Variants in NXPE3 observed in about 807,000 individuals in gnomAD.
NXPE3 encodes neurexophilin and PC-esterase domain family member 3.
A neutral mutation model predicts 46.1 loss-of-function variants in NXPE3; 26 were observed. The observed-to-expected ratio is 0.56, with a 90% confidence interval of 0.41 to 0.78. NXPE3 has a LOEUF of 0.78. NXPE3 is among the 30% of genes least tolerant of loss of function. The pLI is 0.00. For synonymous variants in NXPE3, 272 were observed against 257.9 expected (o/e 1.05, Z -0.52); for missense variants, 620 against 686.0 (o/e 0.90, Z 1.07).
intron 7 of NXPE3, among the ~76,000 whole-genome samples, chr3:101,820,011 C>G (rs1285424521): frequency 7.4e-6 from 1 of 135,838 alleles, no homozygotes; most frequent in South Asian, 2.3e-4. Context: ...TCAAAGACAT[C>G]TGTGTGTGGC....
rs561084459 is a variant in NXPE3 at position 101,785,605 on chromosome 3, C to A, written c.9C>A (p.Thr3=). The change falls in exon 4 of 8, where the codon ACC becomes ACA. Residue 3 remains threonine, a synonymous_variant. Transcript: ENST00000273347. ...CAAGACACAGCCAGACAATGTGGAC[C>A]AATTTCTTCAAACTACGGCTTTTCT... MW[T]NFFKLRLFCC... 6.2e-7 allele frequency: 1 copy of A among 1,613,910 alleles called. No individual in the cohort carries two copies. The highest frequency in any genetic ancestry group is 8.5e-7 in the Non-Finnish European group (1 of 1,179,884).
chr3:101,790,029 T>C (rs1042072859), intron 4 of NXPE3, among the ~76,000 whole-genome samples: 2 of 152,246 alleles, frequency 1.3e-5, no homozygotes, highest in African/African-American at 4.8e-5. Flanking sequence ...CTTTCAAATA[T>C]TTAGATATTT....
chr3:101,787,659 G>T (rs759186012), intron 4 of NXPE3, among the ~76,000 whole-genome samples: 1 of 152,122 alleles, frequency 6.6e-6, no homozygotes, highest in Non-Finnish European at 1.5e-5. Flanking sequence ...CGTCCCCAAG[G>T]TTCACTCATG....
intron 4 of NXPE3, 49 bp from the exon 5 acceptor site, chr3:101,801,186 A>C: frequency 6.5e-7 from 1 of 1,529,336 alleles, no homozygotes; most frequent in Non-Finnish European, 8.8e-7. Context: ...GCCAAAATAC[A>C]GAGACCTATT....
intron 5 of NXPE3, among the ~76,000 whole-genome samples, chr3:101,803,271 A>G (rs985295309): frequency 6.6e-6 from 1 of 152,186 alleles, no homozygotes. Context: ...CTCCTAAAAT[A>G]AAACTCTTCA....
At position 101,801,236 on chromosome 3, in the gene NXPE3, A is replaced by G. The variant is rs1941122180; in HGVS notation, c.95A>G (p.Tyr32Cys). 6.2e-7 allele frequency: 1 copy of G among 1,607,052 alleles called. No individual in the cohort carries two copies. The highest frequency in any genetic ancestry group is 8.5e-7 in the Non-Finnish European group (1 of 1,176,358). ...TGTTGTTTGTGTCTTCTTCTTCAGT[A>G]CTTGGACCATGAGACTGTTTCAGCC... ...VLVINVTQVEYLDHETVSATF... is the reference protein window; with the variant it reads ...VLVINVTQVECLDHETVSATF... The change falls in exon 5 of 8, where the codon TAC (tyrosine) becomes TGC (cysteine). Residue 32 changes from tyrosine (Y) to cysteine (C), a missense_variant and splice_region_variant. This residue lies in a region of NXPE3 where 511 missense variants were observed against 528.6 expected (regional missense o/e 0.97). Coordinates refer to ENST00000273347, the MANE Select transcript of NXPE3 (RefSeq NM_145037.4).
chr3:101,793,022 G>C (rs1940607679), intron 4 of NXPE3, among the ~76,000 whole-genome samples: 1 of 151,948 alleles, frequency 6.6e-6, no homozygotes, highest in South Asian at 2.1e-4. Context: ...TTCTTTTTGT[G>C]GCAACTGTGA....
At chr3:101,796,086 C>T (rs186741157) in intron 4 of NXPE3, among the ~76,000 whole-genome samples, 101 of 152,370 alleles carry the variant, frequency 6.6e-4, no homozygotes, top group Non-Finnish European at 1.2e-3. Flanking sequence ...CCAGCAACCT[C>T]ACCTGGTTCT....
chr3:101,803,854 A>T (rs1220764462), intron 5 of NXPE3, among the ~76,000 whole-genome samples: 1 of 152,200 alleles, frequency 6.6e-6, no homozygotes, highest in East Asian at 1.9e-4. Context: ...CCCTGGGCTC[A>T]AGTAGTCCTC....
chr3:101,785,757 G>A, intron 4 of NXPE3, 68 bp downstream of exon 4: 1 of 1,325,698 alleles, frequency 7.5e-7, no homozygotes, highest in Non-Finnish European at 1.1e-6. Flanking sequence ...TAACTAGCCT[G>A]GGAAAACGTT....
Position 101,801,490 on chromosome 3 carries a change from T to A in NXPE3, c.349T>A (p.Phe117Ile), listed in dbSNP as rs1201313847. The change falls in exon 5 of 8, where the codon TTT (phenylalanine) becomes ATT (isoleucine). Residue 117 changes from phenylalanine (F) to isoleucine (I), a missense_variant. Phe to Ile is a conservative substitution (Grantham distance 21, BLOSUM62 0). This residue lies in a region of NXPE3 where 511 missense variants were observed against 528.6 expected (regional missense o/e 0.97). Transcript: ENST00000273347. ...TGTCATCTTGAACTCTGCTGCCTTC[T>A]TTAAGGTGGGAAGCCAGCTTGAGGT... is the stretch of plus-strand genomic sequence containing the variant. ...YFVILNSAAF[F>I]KVGSQLEVLV... The A allele has an allele frequency of 6.2e-7, 1 of 1,614,158 alleles. No individual in the cohort carries two copies. Among genetic ancestry groups the A allele is most frequent in the Non-Finnish European group, 8.5e-7 (1 of 1,180,030 alleles).
intron 4 of NXPE3, among the ~76,000 whole-genome samples, chr3:101,787,256 C>T (rs1392770344): frequency 6.6e-6 from 1 of 152,158 alleles, no homozygotes; most frequent in Non-Finnish European, 1.5e-5. Flanking sequence ...AACTTGACAA[C>T]TCTAAGTACC....
At chr3:101,785,848 C>T (rs991321943) in intron 4 of NXPE3, among the ~76,000 whole-genome samples, 159 bp downstream of exon 4, 2 of 152,118 alleles carry the variant, frequency 1.3e-5, no homozygotes, top group African/African-American at 2.4e-5. Flanking sequence ...TGGTTATATA[C>T]GCTGCTAGTC....
intron 4 of NXPE3, among the ~76,000 whole-genome samples, chr3:101,795,400 C>G (rs1292536029): frequency 6.6e-6 from 1 of 151,928 alleles, no homozygotes; most frequent in Non-Finnish European, 1.5e-5. Context: ...TGCCTATAAT[C>G]CTAGCTACTC....
At chr3:101,795,090 A>G (rs952864746) in intron 4 of NXPE3, among the ~76,000 whole-genome samples, 1 of 152,234 alleles carries the variant, frequency 6.6e-6, no homozygotes, top group African/African-American at 2.4e-5. Context: ...GTAAATGGAG[A>G]AAAGGCTCTG....
At chr3:101,788,744 T>A (rs1365176518) in intron 4 of NXPE3, among the ~76,000 whole-genome samples, 2 of 152,148 alleles carry the variant, frequency 1.3e-5, no homozygotes, top group Non-Finnish European at 2.9e-5. Context: ...GCCTCCCGAG[T>A]AGCTGGGATT....
Position 101,821,648 on chromosome 3 carries a change from G to T in NXPE3, c.1374G>T (p.Arg458=), listed in dbSNP as rs1239784866. The part of the protein sequence containing the change: ...FSTFPLEVYI[R]RLRNIRRAVV... Reference sequence around the variant, plus strand: ...CCTTCCCTTTGGAAGTGTACATCCGGCGGCTCAGGAACATCCGTCGAGCAG... The same window carrying T: ...CCTTCCCTTTGGAAGTGTACATCCGTCGGCTCAGGAACATCCGTCGAGCAG... The change falls in exon 8 of 8, where the codon CGG becomes CGT. Residue 458 remains arginine (R), a synonymous_variant. Transcript: ENST00000273347. 1.9e-6 allele frequency: 3 copies of T among 1,614,204 alleles called. No homozygotes were observed. The highest frequency in any genetic ancestry group is 1.1e-5 in the South Asian group (1 of 91,090).
intron 7 of NXPE3, among the ~76,000 whole-genome samples, chr3:101,819,466 G>C (rs766453825): frequency 6.6e-6 from 1 of 152,278 alleles, no homozygotes; most frequent in East Asian, 1.9e-4. Flanking sequence ...GATAGAGATG[G>C]AAGTTTTTCT....
chr3:101,791,074 C>T (rs1457186480), intron 4 of NXPE3, among the ~76,000 whole-genome samples: 2 of 152,176 alleles, frequency 1.3e-5, no homozygotes, highest in East Asian at 1.9e-4. Context: ...CCAGTACCCT[C>T]TCTGCTCCTC....
Sources: gnomAD v4.1 joint callset for allele counts (sites outside exome capture counted in the v4.1 genomes callset) on GRCh38, gnomAD v4.1.1 for gene constraint, gnomAD v4.1.1 regional missense constraint, MANE v1.5 for transcripts, NCBI Gene and HGNC (gene_info 2026-07-23, HGNC 2026-07-21) for gene names.